The following TUBGCP3 variants were observed in gnomAD, a reference collection of about 807,000 sequenced individuals.
TUBGCP3 encodes gamma-tubulin complex component 3.
In TUBGCP3, 50 loss-of-function variants were observed where a neutral mutation model predicts 123.1. The ratio of observed to expected loss-of-function variants is 0.41; its 90% CI spans 0.32 to 0.51. The LOEUF is 0.51. Ranked by LOEUF, TUBGCP3 falls within the 20% of genes least tolerant of loss-of-function variation. The probability of loss-of-function intolerance (pLI) is 0.36; values close to 1 mark genes in which losing one functional copy is unlikely to be tolerated. For synonymous variants in TUBGCP3, 405 were observed against 413.9 expected (o/e 0.98, Z 0.26); for missense variants, 882 against 1,127.0 (o/e 0.78, Z 3.11).
Position 112,523,629 on chromosome 13 carries a change from A to G in TUBGCP3, c.1556-1120T>C, listed in dbSNP as rs1262711476. 2.0e-5 allele frequency among the ~76,000 whole-genome samples: 3 copies of G among 152,278 alleles called. No individual in the cohort carries two copies. In the East Asian group the frequency reaches 5.8e-4, roughly 29 times the overall value. ...TTTAATGACATAAAGATTTTTCTCT[A>G]GAAATGTTTTCATTACACCCTTGTT... is the stretch of plus-strand genomic sequence containing the variant. On this transcript the variant is annotated intron_variant, in intron 13 of 21. Transcript: ENST00000261965.
chr13:112,598,667 G>A, the TUBGCP3 span, among the ~76,000 whole-genome samples: 7 of 152,110 alleles, frequency 4.6e-5, no homozygotes, highest in Non-Finnish European at 1.0e-4. Context: ...AATTATCGCC[G>A]GGTACGGTGG....
intron 1 of TUBGCP3, among the ~76,000 whole-genome samples, chr13:112,574,838 T>A (rs1337469690): frequency 6.6e-6 from 1 of 152,254 alleles, no homozygotes; most frequent in South Asian, 2.1e-4. Context: ...TGCTGTTTAC[T>A]GCACCAGCTG....
At position 112,508,515 on chromosome 13, in the gene TUBGCP3, G is replaced by T. The variant is rs1046706463; in HGVS notation, c.2087-3801C>A. On this transcript the variant is annotated intron_variant, in intron 17 of 21. Transcript: ENST00000261965. This position sits in a 1 kb window ranked among gnomAD's most constrained non-coding sequence, Gnocchi z 4.2. ...CCAACCCCATCTTCCTCCTAGCCAC[G>T]GCACCCTGTGAGACTGCAGTTCCCA... Among the ~76,000 whole-genome samples, 3 of 151,920 alleles carry T rather than the reference G, an allele frequency of 2.0e-5. No homozygotes were observed. Among genetic ancestry groups the T allele is most frequent in the African/African-American group, 7.3e-5 (3 of 41,362 alleles).
intron 1 of TUBGCP3, among the ~76,000 whole-genome samples, chr13:112,586,954 A>G (rs775204323): frequency 1.3e-5 from 2 of 152,242 alleles, no homozygotes; most frequent in African/African-American, 2.4e-5. Flanking sequence ...AGAACATCCA[A>G]TGAATTATGT....
chr13:112,579,356 C>G (rs1882104379), intron 1 of TUBGCP3, among the ~76,000 whole-genome samples: 1 of 151,788 alleles, frequency 6.6e-6, no homozygotes. Context: ...CTGGAGCTCT[C>G]CCACACTGCT....
chr13:112,579,295 C>A (rs1421055521), intron 1 of TUBGCP3, among the ~76,000 whole-genome samples: 1 of 152,194 alleles, frequency 6.6e-6, no homozygotes, highest in East Asian at 1.9e-4. Flanking sequence ...GGGGCCACGG[C>A]ATCCCTGGAG....
Position 112,511,635 on chromosome 13 carries a change from A to G in TUBGCP3, c.2086+4805T>C, listed in dbSNP as rs1326867169. ...CATTGAGAACATGAAAGCAATGTGT[A>G]TCTTAGAAGTGATACAATATGGTTA... On this transcript the variant is annotated intron_variant, in intron 17 of 21. Coordinates refer to ENST00000261965, the MANE Select transcript of TUBGCP3 (RefSeq NM_006322.6). This position sits in a 1 kb window ranked among gnomAD's most constrained non-coding sequence, Gnocchi z 4.1. 6.6e-6 allele frequency among the ~76,000 whole-genome samples: 1 copy of G among 152,024 alleles called. No homozygotes were observed. The highest frequency in any genetic ancestry group is 2.4e-5 in the African/African-American group (1 of 41,316).
rs988158159 is a variant in TUBGCP3 at position 112,508,076 on chromosome 13, T to A, written c.2087-3362A>T. On this transcript the variant is annotated intron_variant, in intron 17 of 21. Coordinates refer to ENST00000261965, the MANE Select transcript of TUBGCP3 (RefSeq NM_006322.6). This position sits in a 1 kb window ranked among gnomAD's most constrained non-coding sequence, Gnocchi z 4.2. ...CCCATCCCAGTGCTGCCTGGGGCCT[T>A]CCCCTTCTCTCCCTCACTCCCAGCC... 6.6e-6 allele frequency among the ~76,000 whole-genome samples: 1 copy of A among 151,912 alleles called. No individual in the cohort carries two copies. Among genetic ancestry groups the A allele is most frequent in the East Asian group, 1.9e-4 (1 of 5,166 alleles).
At chr13:112,503,954 A>G in intron 19 of TUBGCP3, 78 bp downstream of exon 19, 1 of 1,507,550 alleles carries the variant, frequency 6.6e-7, no homozygotes, top group Non-Finnish European at 8.9e-7. Context: ...CATTTCTAAG[A>G]TTCCCCCATT....
In TUBGCP3 at chr13:112,588,028, G is replaced by A. The variant is rs1344843497; in HGVS notation, c.-48C>T. 7.2e-6 allele frequency: 10 copies of A among 1,382,468 alleles called. No individual in the cohort carries two copies. The highest frequency in any genetic ancestry group is 9.5e-6 in the Non-Finnish European group (10 of 1,051,494). The allele number at this position is 1,382,468 out of a possible 1,614,324, so 85.6% of individuals were successfully genotyped here. On this transcript the variant is annotated 5_prime_UTR_variant, in exon 1 of 22. Coordinates refer to ENST00000261965, the MANE Select transcript of TUBGCP3 (RefSeq NM_006322.6). ...TGGTCCGGGCAGAGCCGCCACTGCC[G>A]CCGCACGCGCAGGGACCGCGGCCCG... is the stretch of plus-strand genomic sequence containing the variant.
chr13:112,569,307 T>C, intron 1 of TUBGCP3, 48 bp from the exon 2 acceptor site: 1 of 1,575,728 alleles, frequency 6.3e-7, no homozygotes, highest in African/African-American at 1.3e-5. Flanking sequence ...CAGGTTACGT[T>C]CTGGTCACCT....
In TUBGCP3 at chr13:112,547,627, G is replaced by C. The variant is rs1284322724; in HGVS notation, c.1161C>G (p.His387Gln). Residue 387 changes from histidine to glutamine, a missense_variant, in exon 10 of 22, where the codon CAC (histidine) becomes CAG (glutamine). Physicochemically the swap from His to Gln is conservative, Grantham distance 24 (BLOSUM62 0). Around this residue, in one of 3 missense-constraint regions of TUBGCP3, gnomAD observed 713 missense variants for 874.0 expected, o/e 0.82. Transcript: ENST00000261965. Reference sequence around the variant, plus strand: ...GAAAGACGCGCGTGGGACCTTGGCAGTGGTCCACTAGGGCCGCAAGGGTCT... The same window carrying C: ...GAAAGACGCGCGTGGGACCTTGGCACTGGTCCACTAGGGCCGCAAGGGTCT... ...RLKTLAALVD[H>Q]CQGRKGGELA... The C allele has an allele frequency of 6.5e-7, 1 of 1,536,428 alleles. No individual in the cohort carries two copies. Among genetic ancestry groups the C allele is most frequent in the Non-Finnish European group, 8.8e-7 (1 of 1,138,006 alleles).
the TUBGCP3 span, chr13:112,603,750 A>T: frequency 6.6e-6 from 1 of 152,218 alleles, no homozygotes; most frequent in South Asian, 2.1e-4. Flanking sequence ...AAATGTTAGT[A>T]ACAGTCACAA....
upstream of TUBGCP3, among the ~76,000 whole-genome samples, chr13:112,589,185 C>T (rs1264459320): frequency 1.3e-5 from 2 of 152,230 alleles, no homozygotes; most frequent in Non-Finnish European, 2.9e-5. Flanking sequence ...ACACTCAACA[C>T]GATCAGTTAG....
At chr13:112,544,264 T>A (rs188054489) in intron 11 of TUBGCP3, among the ~76,000 whole-genome samples, 4 of 151,964 alleles carry the variant, frequency 2.6e-5, no homozygotes, top group African/African-American at 4.8e-5. Context: ...CCATCCTGGC[T>A]AACACAGTGA....
At chr13:112,498,669 G>T in intron 20 of TUBGCP3, 1 of 1,192,028 alleles carries the variant, frequency 8.4e-7, no homozygotes, top group Non-Finnish European at 1.1e-6. Flanking sequence ...AGATGCACAC[G>T]TTTGCAAAAT....
At chr13:112,522,231 T>C in intron 14 of TUBGCP3, 89 bp downstream of exon 14, 1 of 1,133,880 alleles carries the variant, frequency 8.8e-7, no homozygotes. Flanking sequence ...CAACTCATTT[T>C]CTTTTAATAT....
At chr13:112,569,999 G>C (rs2139279091) in intron 1 of TUBGCP3, among the ~76,000 whole-genome samples, 1 of 152,228 alleles carries the variant, frequency 6.6e-6, no homozygotes, top group South Asian at 2.1e-4. Context: ...GCAGGCTCAG[G>C]AAAGGAAGGA....
intron 11 of TUBGCP3, among the ~76,000 whole-genome samples, chr13:112,529,007 A>G (rs776515234): frequency 1.8e-4 from 27 of 152,150 alleles, no homozygotes; most frequent in Admixed American, 4.6e-4. Context: ...GCACACCACC[A>G]TGCCTGGCTA....
Sources: allele counts gnomAD v4.1 joint callset (sites outside exome capture counted in the v4.1 genomes callset), GRCh38; gene constraint gnomAD v4.1.1; regional missense constraint gnomAD v4.1.1; non-coding constraint Gnocchi (gnomAD v3.1); transcripts MANE v1.5; gene names NCBI Gene and HGNC (gene_info 2026-07-23, HGNC 2026-07-21).